Variants in MOB4 observed in about 807,000 individuals in gnomAD.
MOB4 encodes MOB-like protein phocein.
MOB4 carries 4 observed loss-of-function variants against 32.2 expected under a neutral mutation model. That is an observed-to-expected ratio of 0.12 (90% confidence interval 0.06 to 0.28). The LOEUF is 0.28. Among genes scored for constraint, MOB4 ranks in the 10% least tolerant of loss-of-function variants. The pLI, the probability that MOB4 is intolerant of heterozygous loss-of-function variation, is 1.00. For missense variants in MOB4, 158 were observed against 271.2 expected (o/e 0.58, Z 2.93); for synonymous variants, 88 against 88.1 (o/e 1.00, Z 0.01).
chr2:197,538,153 A>G (rs2086835237), intron 3 of MOB4, among the ~76,000 whole-genome samples: 1 of 150,412 alleles, frequency 6.6e-6, no homozygotes, highest in Non-Finnish European at 1.5e-5. Flanking sequence ...TTTTTTTCAG[A>G]TCTAAGAAAA....
chr2:197,515,942 C>T (rs893650627), upstream of MOB4: 43 of 804,378 alleles, frequency 5.3e-5, no homozygotes, highest in Middle Eastern at 5.6e-4. Flanking sequence ...CCGCTTCTAC[C>T]CGGACGGCTC....
At chr2:197,519,619 C>G (rs764557046) in intron 1 of MOB4, among the ~76,000 whole-genome samples, 1 of 152,132 alleles carries the variant, frequency 6.6e-6, no homozygotes, top group Non-Finnish European at 1.5e-5. Flanking sequence ...TATCTTAGAC[C>G]TAACTAGGTA....
chr2:197,544,752 CAAA>C (rs796630784), intron 5 of MOB4, among the ~76,000 whole-genome samples: 2 of 91,186 alleles, frequency 2.2e-5, no homozygotes, highest in African/African-American at 4.3e-5. Context: ...GACTCCGTCT[CAAA>C]AAAAAAAAAA....
intron 2 of MOB4, among the ~76,000 whole-genome samples, chr2:197,528,407 C>A (rs1482122176): frequency 6.6e-6 from 1 of 152,026 alleles, no homozygotes; most frequent in Non-Finnish European, 1.5e-5. Flanking sequence ...ATCATATGCA[C>A]CCCTTTTGCT....
At chr2:197,535,777 C>G (rs1308325729) in intron 3 of MOB4, 147 bp downstream of exon 3, 1 of 810,396 alleles carries the variant, frequency 1.2e-6, no homozygotes, top group East Asian at 2.9e-5. Context: ...TCACAAGGTT[C>G]TCAGCTTTCT....
At chr2:197,535,137 T>G (rs1207141729) in intron 2 of MOB4, among the ~76,000 whole-genome samples, 1 of 151,622 alleles carries the variant, frequency 6.6e-6, no homozygotes, top group Admixed American at 6.6e-5. Flanking sequence ...GTGGGAGGAT[T>G]GCTTGAGCCC....
At chr2:197,530,670 A>T (rs183733928) in intron 2 of MOB4, among the ~76,000 whole-genome samples, 1 of 151,976 alleles carries the variant, frequency 6.6e-6, no homozygotes, top group African/African-American at 2.4e-5. Flanking sequence ...CTGTCATTCC[A>T]GGCTGGTGTA....
At position 197,537,803 on chromosome 2, in the gene MOB4, T is replaced by C. The variant is rs149102808; in HGVS notation, c.224+2173T>C. Among the ~76,000 whole-genome samples, 22 of 152,258 alleles carry C rather than the reference T, an allele frequency of 1.4e-4. No individual in the cohort carries two copies. In the East Asian group the frequency reaches 4.3e-3, roughly 29 times the overall value. On this transcript the variant is annotated intron_variant, in intron 3 of 7. Coordinates refer to ENST00000323303, the MANE Select transcript of MOB4 (RefSeq NM_015387.5). ...TGTTTTTTTTCTTGAGACAAGAGTCTCGAGTCTCGCTTTGTCACCAGGCTG... is the reference window on the plus strand; with the variant it reads ...TGTTTTTTTTCTTGAGACAAGAGTCCCGAGTCTCGCTTTGTCACCAGGCTG...
At chr2:197,523,183 C>T (rs778673057) in intron 1 of MOB4, among the ~76,000 whole-genome samples, 1 of 151,748 alleles carries the variant, frequency 6.6e-6, no homozygotes, top group South Asian at 2.1e-4. Context: ...CTTGTCTCCC[C>T]AATTAAGTAA....
At chr2:197,535,949 G>T (rs1437436611) in intron 3 of MOB4, among the ~76,000 whole-genome samples, 1 of 148,926 alleles carries the variant, frequency 6.7e-6, no homozygotes, top group Non-Finnish European at 1.5e-5. Flanking sequence ...GCCCACGTTG[G>T]AGTGCAGTGG....
At chr2:197,521,572 A>T (rs2086519337) in intron 1 of MOB4, among the ~76,000 whole-genome samples, 1 of 152,132 alleles carries the variant, frequency 6.6e-6, no homozygotes, top group Non-Finnish European at 1.5e-5. Flanking sequence ...ACTATGGGAG[A>T]CTGGGGTTTA....
intron 2 of MOB4, among the ~76,000 whole-genome samples, chr2:197,525,744 A>T (rs1217223412): frequency 6.6e-6 from 1 of 152,072 alleles, no homozygotes. Context: ...GTGCTGTTCA[A>T]TCAGCAAATA....
At chr2:197,539,145 A>G (rs1465370170) in intron 3 of MOB4, among the ~76,000 whole-genome samples, 1 of 151,890 alleles carries the variant, frequency 6.6e-6, no homozygotes, top group Admixed American at 6.6e-5. Flanking sequence ...ATGGGGAAAC[A>G]TAGTATTGAT....
intron 5 of MOB4, among the ~76,000 whole-genome samples, 177 bp from the exon 6 acceptor site, chr2:197,548,159 G>A (rs2087031155): frequency 6.6e-6 from 1 of 151,886 alleles, no homozygotes; most frequent in South Asian, 2.1e-4. Flanking sequence ...GGTTCAAGGG[G>A]ATAATAAACC....
chr2:197,537,684 A>G (rs555389052), intron 3 of MOB4, among the ~76,000 whole-genome samples: 7 of 152,140 alleles, frequency 4.6e-5, no homozygotes, highest in Non-Finnish European at 1.0e-4. Flanking sequence ...GTCTGTAGAT[A>G]TTTTCCCATT....
intron 2 of MOB4, among the ~76,000 whole-genome samples, chr2:197,524,528 C>T (rs2086573937): frequency 1.3e-5 from 1 of 75,994 alleles, no homozygotes; most frequent in South Asian, 4.5e-4. Flanking sequence ...AAGACTCTGT[C>T]TCAAAAAAAA....
rs7370479 is a variant in MOB4, at chr2:197,530,219, C to T, written c.124-5311C>T. ...TCCTGACCTTGTGATCCACCCTCCT[C>T]GGCCTCCCAAAGTGCTAGGATTACA... On this transcript the variant is annotated intron_variant, in intron 2 of 7. Coordinates refer to ENST00000323303, the MANE Select transcript of MOB4 (RefSeq NM_015387.5). Among the ~76,000 whole-genome samples the T allele has an allele frequency of 1.8e-3, 280 of 152,156 alleles. 6 individuals carry two copies. Among genetic ancestry groups the T allele is most frequent in the Admixed American group, 0.014 (210 of 15,290 alleles).
intron 2 of MOB4, among the ~76,000 whole-genome samples, chr2:197,529,126 C>T (rs530387422): frequency 4.3e-4 from 65 of 151,490 alleles, no homozygotes; most frequent in South Asian, 1.0e-3. Flanking sequence ...TACAGGCATG[C>T]GCCACCACCC....
chr2:197,549,220 C>G (rs2087051762), intron 6 of MOB4, among the ~76,000 whole-genome samples: 1 of 151,310 alleles, frequency 6.6e-6, no homozygotes, highest in South Asian at 2.1e-4. Context: ...AAGAGCGAAA[C>G]TGTCTCAAAA....
Sources: gnomAD v4.1 joint callset for allele counts (sites outside exome capture counted in the v4.1 genomes callset) on GRCh38, gnomAD v4.1.1 for gene constraint, MANE v1.5 for transcripts, NCBI Gene and HGNC (gene_info 2026-07-23, HGNC 2026-07-21) for gene names.